The following C1GALT1 variants were observed in gnomAD, a reference collection of about 807,000 sequenced individuals.
C1GALT1 encodes glycoprotein-N-acetylgalactosamine 3-beta-galactosyltransferase 1.
C1GALT1 carries 11 observed loss-of-function variants against 31.0 expected under a neutral mutation model. That is an observed-to-expected ratio of 0.36 (90% CI 0.22 to 0.59). C1GALT1 has a LOEUF of 0.59. Among genes scored for constraint, C1GALT1 ranks in the 20% least tolerant of loss-of-function variants. The pLI is 0.79. For missense variants in C1GALT1, 424 were observed against 425.2 expected (o/e 1.00, Z 0.03); for synonymous variants, 175 against 143.6 (o/e 1.22, Z -1.56).
intron 1 of C1GALT1, among the ~76,000 whole-genome samples, chr7:7,205,088 G>A (rs969550426): frequency 3.3e-5 from 5 of 152,022 alleles, no homozygotes; most frequent in Non-Finnish European, 7.4e-5. Flanking sequence ...GTGTGGTTCT[G>A]TTAATTATTG....
chr7:7,158,142 A>T (rs1780293784), intron 2 of C1GALT1, among the ~76,000 whole-genome samples: 1 of 152,192 alleles, frequency 6.6e-6, no homozygotes, highest in South Asian at 2.1e-4. Context: ...TATCCCTCTG[A>T]AGTTTTGTAG....
intron 1 of C1GALT1, among the ~76,000 whole-genome samples, chr7:7,225,173 G>A (rs1782699188): frequency 6.6e-6 from 1 of 152,084 alleles, no homozygotes; most frequent in Admixed American, 6.5e-5. Context: ...TTTTTGTTGA[G>A]TCTTGAGGTA....
intron 1 of C1GALT1, among the ~76,000 whole-genome samples, chr7:7,188,438 A>G (rs937985052): frequency 6.6e-6 from 1 of 152,206 alleles, no homozygotes; most frequent in African/African-American, 2.4e-5. Flanking sequence ...TCAAGAGATC[A>G]TTTTGTTTGA....
At chr7:7,194,236 A>G (rs569275597) in intron 1 of C1GALT1, among the ~76,000 whole-genome samples, 77 of 152,096 alleles carry the variant, frequency 5.1e-4, no homozygotes, top group Non-Finnish European at 9.7e-4. Context: ...GAGACTGGGC[A>G]TCCCTGTCTT....
chr7:7,218,777 C>G (rs1782368579), intron 1 of C1GALT1, among the ~76,000 whole-genome samples: 1 of 151,922 alleles, frequency 6.6e-6, no homozygotes, highest in Admixed American at 6.6e-5. Context: ...CCAAAGATTA[C>G]AGAAAACCTT....
At chr7:7,194,029 C>T (rs1029175355) in intron 1 of C1GALT1, among the ~76,000 whole-genome samples, 6 of 151,818 alleles carry the variant, frequency 4.0e-5, no homozygotes, top group Admixed American at 1.3e-4. Context: ...AATTTTGTGT[C>T]CTGAAACTTT....
In C1GALT1 at chr7:7,234,315, G is replaced by T. The variant is rs947529408; in HGVS notation, c.-5G>T. 1.2e-6 allele frequency: 2 copies of T among 1,611,910 alleles called. No homozygotes were observed. Among genetic ancestry groups the T allele is most frequent in the Non-Finnish European group, 1.7e-6 (2 of 1,178,670 alleles). ...TTTGTTCTTACAGAAATACACTTTC[G>T]GGAAATGGCCTCTAAATCCTGGCTG... is the stretch of plus-strand genomic sequence containing the variant. On this transcript the variant is annotated 5_prime_UTR_variant, in exon 2 of 4. Transcript: ENST00000436587.
At position 7,191,124 on chromosome 7, in the gene C1GALT1, G is replaced by A. The variant is rs560391542; in HGVS notation, c.-18+8304G>A. 6.6e-5 allele frequency among the ~76,000 whole-genome samples: 10 copies of A among 152,072 alleles called. 1 individual carries two copies. Among genetic ancestry groups the A allele is most frequent in the South Asian group, 6.2e-4 (3 of 4,820 alleles). On this transcript the variant is annotated intron_variant, in intron 1 of 3. Transcript: ENST00000436587. ...TTTGTAAAACTGAAGCTCTATATCCGTTTAAACGATAGCTCTCCATTCTCA... is the reference window on the plus strand; with the variant it reads ...TTTGTAAAACTGAAGCTCTATATCCATTTAAACGATAGCTCTCCATTCTCA...
chr7:7,217,754 G>A (rs1248609531), intron 1 of C1GALT1, among the ~76,000 whole-genome samples: 9 of 152,134 alleles, frequency 5.9e-5, no homozygotes, highest in Admixed American at 3.3e-4. Flanking sequence ...GTTCATTGCA[G>A]CCTTGTCCTG....
Position 7,182,647 on chromosome 7 carries a change from G to A in C1GALT1, c.-191G>A. ...GGGAGCGCGCGCTGGGCCCGCCTTGGCCGCCGCCGCTGTGCTGCCGCTGCC... is the reference window on the plus strand; with the variant it reads ...GGGAGCGCGCGCTGGGCCCGCCTTGACCGCCGCCGCTGTGCTGCCGCTGCC... On this transcript the variant is annotated 5_prime_UTR_variant, in exon 1 of 4. Transcript: ENST00000436587. 1 of 292,750 alleles carries A rather than the reference G, an allele frequency of 3.4e-6. No individual in the cohort carries two copies. Among genetic ancestry groups the A allele is most frequent in the Non-Finnish European group, 5.1e-6 (1 of 196,774 alleles). 18.1% of individuals were successfully genotyped at this position (292,750 alleles called of 1,614,324 possible). A position where few individuals can be genotyped will look rare whatever the true frequency, so the allele number is the denominator to read the frequency against.
rs116441519 is a variant in C1GALT1, at chr7:7,185,895, A to T, written c.-18+3075A>T. Among the ~76,000 whole-genome samples the T allele has an allele frequency of 2.0e-3, 306 of 152,342 alleles. 2 individuals carry two copies. Among genetic ancestry groups the T allele is most frequent in the African/African-American group, 7.0e-3 (291 of 41,576 alleles). On this transcript the variant is annotated intron_variant, in intron 1 of 3. Transcript: ENST00000436587. Reference sequence around the variant, plus strand: ...AATCAGAGGCTATAGTGGAAACAGGATGGGACACTTACATTTATTTACATA... The same window carrying T: ...AATCAGAGGCTATAGTGGAAACAGGTTGGGACACTTACATTTATTTACATA...
chr7:7,214,894 A>G (rs1157657193), intron 1 of C1GALT1, among the ~76,000 whole-genome samples: 2 of 152,238 alleles, frequency 1.3e-5, no homozygotes, highest in East Asian at 1.9e-4. Flanking sequence ...CCCAGGAGCC[A>G]TGCAGCTGGA....
intron 2 of C1GALT1, among the ~76,000 whole-genome samples, chr7:7,162,971 T>C (rs567827618): frequency 6.6e-6 from 1 of 152,348 alleles, no homozygotes; most frequent in Non-Finnish European, 1.5e-5. Flanking sequence ...TTGTTTGTTT[T>C]TTCTTGTAAA....
intron 2 of C1GALT1, among the ~76,000 whole-genome samples, chr7:7,162,191 T>G (rs1480737075): frequency 6.6e-6 from 1 of 151,452 alleles, no homozygotes; most frequent in East Asian, 1.9e-4. Flanking sequence ...TGTATACATG[T>G]GCCATGCTGG....
chr7:7,234,323 G>A lies in C1GALT1; in HGVS notation c.4G>A (p.Ala2Thr). 1 of 1,612,748 alleles carries A rather than the reference G, an allele frequency of 6.2e-7. No homozygotes were observed. The highest frequency in any genetic ancestry group is 1.7e-5 in the Admixed American group (1 of 59,888). The change falls in exon 2 of 4, where the codon GCC becomes ACC. Residue 2 changes from alanine (A) to threonine (T), a missense_variant. By Grantham distance (58) the Ala-to-Thr change is moderately conservative. Around this residue, in one of 3 missense-constraint regions of C1GALT1, gnomAD observed 189 missense variants for 158.2 expected, o/e 1.19. Coordinates refer to ENST00000436587, the MANE Select transcript of C1GALT1 (RefSeq NM_020156.5). M[A>T]SKSWLNFLTF... The stretch of plus-strand genomic sequence containing the variant: ...TACAGAAATACACTTTCGGGAAATG[G>A]CCTCTAAATCCTGGCTGAATTTTTT...
intron 1 of C1GALT1, among the ~76,000 whole-genome samples, chr7:7,225,718 A>G (rs1418972353): frequency 4.6e-5 from 7 of 152,202 alleles, no homozygotes; most frequent in Admixed American, 4.6e-4. Flanking sequence ...ACCAGTTCCA[A>G]TCTCTCAGCA....
intron 1 of C1GALT1, 40 bp from the exon 2 acceptor site, chr7:7,234,263 C>T: frequency 2.0e-6 from 3 of 1,479,502 alleles, no homozygotes; most frequent in Non-Finnish European, 1.9e-6. Flanking sequence ...ATGTATACAG[C>T]TTTGATTTTA....
At chr7:7,240,965 C>G (rs746780545) in intron 3 of C1GALT1, among the ~76,000 whole-genome samples, 19 of 151,906 alleles carry the variant, frequency 1.3e-4, no homozygotes, top group Non-Finnish European at 2.5e-4. Flanking sequence ...GAAAGAGTTA[C>G]ATTCCTAAAT....
At chr7:7,206,073 A>G (rs1781725977) in intron 1 of C1GALT1, among the ~76,000 whole-genome samples, 2 of 152,196 alleles carry the variant, frequency 1.3e-5, no homozygotes, top group African/African-American at 4.8e-5. Context: ...CAATATTTAT[A>G]CCAGCTTAAT....
Sources: allele counts gnomAD v4.1 joint callset (sites outside exome capture counted in the v4.1 genomes callset), GRCh38; gene constraint gnomAD v4.1.1; regional missense constraint gnomAD v4.1.1; transcripts MANE v1.5; gene names NCBI Gene and HGNC (gene_info 2026-07-23, HGNC 2026-07-21).